Variants in HSPG2 observed in about 807,000 individuals in gnomAD.
HSPG2 encodes the protein basement membrane-specific heparan sulfate proteoglycan core protein.
A neutral mutation model predicts 526.6 loss-of-function variants in HSPG2; 278 were observed. The ratio of observed to expected loss-of-function variants is 0.53; its 90% CI spans 0.48 to 0.58. The LOEUF is 0.58. Among genes scored for constraint, HSPG2 ranks in the 20% least tolerant of loss-of-function variants. The probability of loss-of-function intolerance (pLI) is 0.00; values close to 1 mark genes in which losing one functional copy is unlikely to be tolerated. For synonymous variants in HSPG2, 2,465 were observed against 2,555.4 expected, an observed-to-expected ratio of 0.96 and a Z score of 1.07; for missense variants, 5,354 against 6,099.5, an observed-to-expected ratio of 0.88 and a Z score of 4.07.
rs1325296595 is a variant in HSPG2, at chr1:21,841,650, C to T, written c.9217G>A (p.Gly3073Ser). The change falls in exon 70 of 97, where the codon GGC (glycine) becomes AGC (serine). Residue 3073 changes from glycine (G) to serine (S), a missense_variant. Gly to Ser is a moderately conservative substitution (Grantham distance 56, BLOSUM62 0). Transcript: ENST00000374695. ...LEDNVHISPN[G>S]SIITIVGTRP... ...GTGCCCACGATGGTGATGATGGAGC[C>T]ATTGGGACTGATGTGGACGTTGTCT... is the stretch of plus-strand genomic sequence containing the variant. 1.2e-6 allele frequency: 2 copies of T among 1,614,016 alleles called. No homozygotes were observed. Among genetic ancestry groups the T allele is most frequent in the Non-Finnish European group, 1.7e-6 (2 of 1,180,012 alleles).
At position 21,841,286 on chromosome 1, in the gene HSPG2, C is replaced by T; in HGVS notation, c.9329-1G>A. On this transcript the variant is annotated splice_acceptor_variant, in intron 70 of 96. Coordinates refer to ENST00000374695, the MANE Select transcript of HSPG2 (RefSeq NM_005529.7). LOFTEE classifies it high-confidence loss of function. ...GGGAGCACGGACACTGTAGGGGGCC[C>T]TGTGCGGAGGAATGACAACCACTGA... 6.2e-7 allele frequency: 1 copy of T among 1,613,582 alleles called. No homozygotes were observed. The highest frequency in any genetic ancestry group is 2.2e-5 in the East Asian group (1 of 44,882).
At chr1:21,896,663 G>GT (rs1333799776) in intron 1 of HSPG2, among the ~76,000 whole-genome samples, 10 of 152,188 alleles carry the variant, frequency 6.6e-5, no homozygotes, top group African/African-American at 2.2e-4. Flanking sequence ...ATGCGGGCGG[G>GT]TAAAGGGGTG....
rs1002385906 is a variant in HSPG2 at position 21,830,043 on chromosome 1, C to A, written c.11720G>T (p.Gly3907Val). Reference protein sequence around the residue: ...ATCVNRPDGRGYTCRCHLGRS... With the variant: ...ATCVNRPDGRVYTCRCHLGRS... Reference sequence around the variant, plus strand: ...GCCCAGGTGGCAGCGGCAGGTGTAGCCTCGACCGTCAGGCCGGTTCACACA... The same window carrying A: ...GCCCAGGTGGCAGCGGCAGGTGTAGACTCGACCGTCAGGCCGGTTCACACA... Residue 3907 changes from glycine to valine, a missense_variant, in exon 86 of 97, where the codon GGC (glycine) becomes GTC (valine). By Grantham distance (109) the Gly-to-Val change is moderately radical. Coordinates refer to ENST00000374695, the MANE Select transcript of HSPG2 (RefSeq NM_005529.7). 2.5e-6 allele frequency: 4 copies of A among 1,605,120 alleles called. No individual in the cohort carries two copies. The highest frequency in any genetic ancestry group is 3.4e-5 in the Admixed American group (2 of 59,012).
At position 21,854,629 on chromosome 1, in the gene HSPG2, G is replaced by A. The variant is rs764298950; in HGVS notation, c.6270C>T (p.Ser2090=). The A allele has an allele frequency of 1.3e-6, 2 of 1,573,286 alleles. No individual in the cohort carries two copies. Among genetic ancestry groups the A allele is most frequent in the Non-Finnish European group, 1.7e-6 (2 of 1,157,806 alleles). The change falls in exon 49 of 97, where the codon AGC becomes AGT. Residue 2090 remains serine (S), a synonymous_variant. Coordinates refer to ENST00000374695, the MANE Select transcript of HSPG2 (RefSeq NM_005529.7). ...CACATACCTGGGTGTGGGGAGGCAGGCTACCCCCTCGCCTGTACCAGGTGA... is the reference window on the plus strand; with the variant it reads ...CACATACCTGGGTGTGGGGAGGCAGACTACCCCCTCGCCTGTACCAGGTGA... ...AQVTWYRRGG[S]LPPHTQVHGS... is the part of the protein sequence containing the mutation.
intron 26 of HSPG2, 24 bp downstream of exon 26, chr1:21,874,867 G>A (rs1315311140): frequency 1.3e-6 from 2 of 1,585,326 alleles, no homozygotes; most frequent in Non-Finnish European, 1.7e-6. Flanking sequence ...GGCTGGCTGG[G>A]CTGGCGTGGG....
rs760054736 is a variant in HSPG2, at chr1:21,854,948, G to A, written c.6033C>T (p.Leu2011=). The change falls in exon 48 of 97, where the codon CTC becomes CTT. Residue 2011 remains leucine, a synonymous_variant. Transcript: ENST00000374695. ...CGTCAGCAGTCGTGATGGCTGGGAT[G>A]AGCAGTGTCGCGATGTCTGTGCGCT... ...RSERTDIATL[L]IPAITTADAG... is the part of the protein sequence containing the mutation. The A allele has an allele frequency of 2.4e-5, 39 of 1,613,838 alleles. No individual in the cohort carries two copies. Among genetic ancestry groups the A allele is most frequent in the Middle Eastern group, 1.6e-4 (1 of 6,064 alleles).
chr1:21,844,328 T>C (rs1350607959), intron 64 of HSPG2, 29 bp from the exon 65 acceptor site: 6 of 1,600,678 alleles, frequency 3.7e-6, no homozygotes, highest in Non-Finnish European at 5.1e-6. Context: ...GTCAGTGAGC[T>C]GAGATGCCAC....
chr1:21,930,080 C>A (rs757375771), intron 1 of HSPG2, among the ~76,000 whole-genome samples: 1 of 152,168 alleles, frequency 6.6e-6, no homozygotes, highest in Non-Finnish European at 1.5e-5. Flanking sequence ...CACCCCCCTG[C>A]CTGCTGCATC....
At position 21,887,568 on chromosome 1, in the gene HSPG2, G is replaced by T. The variant is rs758412757; in HGVS notation, c.810C>A (p.His270Gln). 1 of 1,614,000 alleles carries T rather than the reference G, an allele frequency of 6.2e-7. No individual in the cohort carries two copies. The highest frequency in any genetic ancestry group is 1.3e-5 in the African/African-American group (1 of 74,940). Residue 270 changes from histidine (H) to glutamine (Q), a missense_variant, in exon 8 of 97, where the codon CAC (histidine) becomes CAA (glutamine). Transcript: ENST00000374695. The surrounding 1 kb of genome is among the most constrained non-coding windows in gnomAD (Gnocchi z 5.0). ...AACCGGGAAGCAGGGGCTGAGGAGC[G>T]TGGGTGACTGGTGGCTGTCGCATGA... ...TTIMRQPPVT[H>Q]APQPLLPGSV...
In HSPG2 at chr1:21,842,263, G is replaced by A; in HGVS notation, c.9028C>T (p.Pro3010Ser). The change falls in exon 68 of 97, where the codon CCG (proline) becomes TCG (serine). Residue 3010 changes from proline to serine, a missense_variant. By Grantham distance (74) the Pro-to-Ser change is moderately conservative (BLOSUM62 -1). Coordinates refer to ENST00000374695, the MANE Select transcript of HSPG2 (RefSeq NM_005529.7). ...CGGTAGGAAGACCCCTCACTGGGCG[G>A]GACGGTGACTGTGAAGGAGGCTTCT... ...EQEASFTVTV[P>S]PSEGSSYRLR... The A allele has an allele frequency of 1.9e-6, 3 of 1,613,632 alleles. No individual in the cohort carries two copies. The highest frequency in any genetic ancestry group is 2.5e-6 in the Non-Finnish European group (3 of 1,179,906).
In HSPG2 at chr1:21,904,696, A is replaced by C. The variant is rs1643277533; in HGVS notation, c.64-8386T>G. 6.6e-6 allele frequency among the ~76,000 whole-genome samples: 1 copy of C among 152,172 alleles called. No homozygotes were observed. Among genetic ancestry groups the C allele is most frequent in the African/African-American group, 2.4e-5 (1 of 41,452 alleles). On this transcript the variant is annotated intron_variant, in intron 1 of 96. Coordinates refer to ENST00000374695, the MANE Select transcript of HSPG2 (RefSeq NM_005529.7). The surrounding 1 kb of genome is among the most constrained non-coding windows in gnomAD (Gnocchi z 4.4). ...TGGCCAAGGCGGTGGGGGTGGCCTA[A>C]GCGGGAACAGCTTCTGGACTGGGCT...
Position 21,831,045 on chromosome 1 carries a change from C to T in HSPG2, c.11608G>A (p.Val3870Ile), listed in dbSNP as rs1461202361. 17 of 1,591,878 alleles carry T rather than the reference C, an allele frequency of 1.1e-5. No homozygotes were observed. In the African/African-American group the frequency reaches 1.2e-4, roughly 11 times the overall value. The change falls in exon 85 of 97, where the codon GTC (valine) becomes ATC (isoleucine). Residue 3870 changes from valine to isoleucine, a missense_variant. Physicochemically the swap from Val to Ile is conservative, Grantham distance 29. Coordinates refer to ENST00000374695, the MANE Select transcript of HSPG2 (RefSeq NM_005529.7). ...CTCCCGGTGAAGCCAGCTGGGCAGA[C>T]GCACACGTAGCTGCTGCTCTCAGAG... is the stretch of plus-strand genomic sequence containing the variant. ...HDSESSSYVC[V>I]CPAGFTGSRC... is the part of the protein sequence containing the mutation.
Position 21,868,965 on chromosome 1 carries a change from A to G in HSPG2, c.4222-3156T>C. On this transcript the variant is annotated intron_variant, in intron 33 of 96. Coordinates refer to ENST00000374695, the MANE Select transcript of HSPG2 (RefSeq NM_005529.7). ...AGAGAGAAGCCTTCGTAGGAGAGAG[A>G]GAACTAGGAGGGAAGGGCAGGTGGT... 6.2e-6 allele frequency: 6 copies of G among 969,188 alleles called. No individual in the cohort carries two copies. In the South Asian group the frequency reaches 1.9e-4, roughly 31 times the overall value. The allele number at this position is 969,188 out of a possible 1,614,324, so 60.0% of individuals were successfully genotyped here.
chr1:21,887,947 G>C lies in HSPG2; in HGVS notation c.694C>G (p.Leu232Val). 1 of 1,614,046 alleles carries C rather than the reference G, an allele frequency of 6.2e-7. No individual in the cohort carries two copies. Among genetic ancestry groups the C allele is most frequent in the Non-Finnish European group, 8.5e-7 (1 of 1,180,024 alleles). Residue 232 changes from leucine to valine, a missense_variant, in exon 7 of 97, where the codon CTC becomes GTC. Leu to Val is a conservative substitution (Grantham distance 32, BLOSUM62 1). Transcript: ENST00000374695. This position sits in a 1 kb window ranked among gnomAD's most constrained non-coding sequence, Gnocchi z 5.0. Reference protein sequence around the residue: ...RPDCRDMSDELNCEEPVLGIS... With the variant: ...RPDCRDMSDEVNCEEPVLGIS... ...CCGGACATCCCCTCACCACAATTGA[G>C]CTCATCAGACATGTCCCTGCAGTCG...
rs369882226 is a variant in HSPG2, at chr1:21,855,378, G to A, written c.5923C>T (p.Leu1975=). The A allele has an allele frequency of 3.2e-5, 52 of 1,612,552 alleles. No individual in the cohort carries two copies. Among genetic ancestry groups the A allele is most frequent in the African/African-American group, 4.0e-5 (3 of 74,926 alleles). Residue 1975 remains leucine (L), a synonymous_variant, in exon 47 of 97, where the codon CTG becomes TTG. Coordinates refer to ENST00000374695, the MANE Select transcript of HSPG2 (RefSeq NM_005529.7). ...TQVHAGRTVR[L]YCRAAGVPSA... is the part of the protein sequence containing the mutation. Reference sequence around the variant, plus strand: ...GGCACGCCTGCAGCCCTGCAGTACAGCCTGACGGTGCGGCCTGCGTGGACC... The same window carrying A: ...GGCACGCCTGCAGCCCTGCAGTACAACCTGACGGTGCGGCCTGCGTGGACC...
At chr1:21,856,988 A>G in intron 44 of HSPG2, 27 bp downstream of exon 44, 10 of 1,610,012 alleles carry the variant, frequency 6.2e-6, no homozygotes, top group Non-Finnish European at 7.7e-6. Context: ...ACAGGAGGGG[A>G]GAATCAGGTA....
In HSPG2 at chr1:21,874,912, C is replaced by G. The variant is rs376679885; in HGVS notation, c.3393G>C (p.Gly1131=). Residue 1131 remains glycine, a synonymous_variant, in exon 26 of 97, where the codon GGG becomes GGC. Transcript: ENST00000374695. ...TCACCTGGCAGGACGGCCCACGGTACCCGGGTGGGCAGGAGCACTGTTCCA... is the reference window on the plus strand; with the variant it reads ...TCACCTGGCAGGACGGCCCACGGTAGCCGGGTGGGCAGGAGCACTGTTCCA... ...LEVEQCSCPP[G]YRGPSCQDCD... The G allele has an allele frequency of 3.1e-6, 5 of 1,612,354 alleles. No homozygotes were observed. The African/African-American group carries it at 4.0e-5, about 13-fold the overall frequency.
intron 1 of HSPG2, among the ~76,000 whole-genome samples, chr1:21,934,664 C>T (rs556479089): frequency 3.9e-5 from 6 of 151,976 alleles, no homozygotes; most frequent in African/African-American, 9.7e-5. Context: ...GGCGCGATCT[C>T]GGCTCACTGC....
At chr1:21,917,579 C>T (rs944535076) in intron 1 of HSPG2, among the ~76,000 whole-genome samples, 1 of 152,204 alleles carries the variant, frequency 6.6e-6, no homozygotes, top group Non-Finnish European at 1.5e-5. Context: ...GGCAAAAAAG[C>T]TGGGCTTGGA....
Sources: allele counts gnomAD v4.1 joint callset (sites outside exome capture counted in the v4.1 genomes callset), GRCh38; gene constraint gnomAD v4.1.1; non-coding constraint Gnocchi (gnomAD v3.1); transcripts MANE v1.5; gene names NCBI Gene and HGNC (gene_info 2026-07-23, HGNC 2026-07-21).